The following PRKCD variants were observed in gnomAD, a reference collection of about 807,000 sequenced individuals.
The protein encoded by PRKCD is protein kinase C delta.
In PRKCD, 20 loss-of-function variants were observed where a neutral mutation model predicts 82.2. The ratio of observed to expected loss-of-function variants is 0.24; its 90% CI spans 0.17 to 0.35. The LOEUF is 0.35. PRKCD is among the 10% of genes least tolerant of loss of function. The pLI, the probability that PRKCD is intolerant of heterozygous loss-of-function variation, is 1.00. For synonymous variants in PRKCD, 317 were observed against 337.0 expected (o/e 0.94, Z 0.65); for missense variants, 607 against 899.0 (o/e 0.68, Z 4.15).
At chr3:53,182,483 G>A (rs1703483557) in intron 7 of PRKCD, among the ~76,000 whole-genome samples, 3 of 152,072 alleles carry the variant, frequency 2.0e-5, no homozygotes, top group Admixed American at 1.3e-4. Flanking sequence ...TGGCCAGGCT[G>A]GTCTCAAACT....
chr3:53,179,128 A>G (rs1553666593), intron 3 of PRKCD, among the ~76,000 whole-genome samples: 1 of 152,228 alleles, frequency 6.6e-6, no homozygotes, highest in Admixed American at 6.5e-5. Flanking sequence ...TAGCACTACC[A>G]GCCTTGCCCT....
At chr3:53,173,807 G>C (rs767084742) in intron 2 of PRKCD, among the ~76,000 whole-genome samples, 5 of 152,102 alleles carry the variant, frequency 3.3e-5, no homozygotes, top group Non-Finnish European at 7.4e-5. Context: ...AATGGAGGCT[G>C]GTCCAAGTGG....
intron 2 of PRKCD, among the ~76,000 whole-genome samples, chr3:53,168,993 G>A (rs545905981): frequency 1.3e-5 from 2 of 152,182 alleles, no homozygotes; most frequent in South Asian, 4.2e-4. Context: ...CTGTCGGGCC[G>A]GGGTAGAGGA....
intron 2 of PRKCD, 32 bp from the exon 3 acceptor site, chr3:53,178,372 G>A (rs781839167): frequency 4.0e-5 from 61 of 1,510,540 alleles, no homozygotes; most frequent in Non-Finnish European, 5.0e-5. Flanking sequence ...GGTCCCGCCC[G>A]GCCGCCTGGC....
At chr3:53,191,883 T>C (rs1174957821) in intron 18 of PRKCD, among the ~76,000 whole-genome samples, 1 of 152,192 alleles carries the variant, frequency 6.6e-6, no homozygotes, top group African/African-American at 2.4e-5. Flanking sequence ...GGCTACCACC[T>C]CTCCTAACCC....
In PRKCD at chr3:53,181,249, T is replaced by C. The variant is rs1553667396; in HGVS notation, c.358T>C (p.Tyr120His). The C allele has an allele frequency of 6.2e-7, 1 of 1,613,938 alleles. No homozygotes were observed. Among genetic ancestry groups the C allele is most frequent in the Admixed American group, 1.7e-5 (1 of 59,988 alleles). The change falls in exon 5 of 19, where the codon TAT becomes CAT. Residue 120 changes from tyrosine to histidine, a missense_variant. Physicochemically the swap from Tyr to His is moderately conservative, Grantham distance 83 (BLOSUM62 2). Around this residue, in one of 5 missense-constraint regions of PRKCD, gnomAD observed 161 missense variants for 227.0 expected, o/e 0.71. Coordinates refer to ENST00000330452, the MANE Select transcript of PRKCD (RefSeq NM_006254.4). The stretch of plus-strand genomic sequence containing the variant: ...GGCCAAGGTGTTGATGTCTGTTCAG[T>C]ATTTCCTGGAGGACGTGGGTAAGAA... ...PQAKVLMSVQ[Y>H]FLEDVDCKQS...
At position 53,179,630 on chromosome 3, in the gene PRKCD, T is replaced by G. The variant is rs2107256698; in HGVS notation, c.169T>G (p.Ser57Ala). ...GCCGACCATGTATCCTGAGTGGAAG[T>G]CGACGTTCGATGCCCACATCTATGA... ...KKPTMYPEWK[S>A]TFDAHIYEGR... The change falls in exon 4 of 19, where the codon TCG becomes GCG. Residue 57 changes from serine to alanine, a missense_variant. Physicochemically the swap from Ser to Ala is moderately conservative, Grantham distance 99. This residue lies in a region of PRKCD where 161 missense variants were observed against 227.0 expected (regional missense o/e 0.71). Coordinates refer to ENST00000330452, the MANE Select transcript of PRKCD (RefSeq NM_006254.4). 1.2e-6 allele frequency: 2 copies of G among 1,614,088 alleles called. No homozygotes were observed. The highest frequency in any genetic ancestry group is 1.1e-5 in the South Asian group (1 of 91,068).
intron 2 of PRKCD, among the ~76,000 whole-genome samples, chr3:53,171,801 G>A (rs1703039476): frequency 6.6e-6 from 1 of 152,218 alleles, no homozygotes; most frequent in South Asian, 2.1e-4. Flanking sequence ...CCAGAACAGG[G>A]ATTGAGGTAG....
chr3:53,186,745 T>C (rs782803250), intron 14 of PRKCD, 50 bp downstream of exon 14: 2 of 1,487,526 alleles, frequency 1.3e-6, no homozygotes, highest in East Asian at 4.5e-5. Flanking sequence ...GAAGGGCTAC[T>C]GGCTCAGAGC....
chr3:53,173,742 A>C (rs1203815186), intron 2 of PRKCD: 3 of 152,090 alleles, frequency 2.0e-5, no homozygotes, highest in Non-Finnish European at 4.4e-5. Context: ...AGCCTCCCAA[A>C]GTATTGAGAT....
chr3:53,163,041 G>A (rs928665910), intron 1 of PRKCD, among the ~76,000 whole-genome samples: 1 of 151,424 alleles, frequency 6.6e-6, no homozygotes, highest in Non-Finnish European at 1.5e-5. Flanking sequence ...CAGGCCAGCA[G>A]AGGGAGGCTG....
intron 11 of PRKCD, 97 bp from the exon 12 acceptor site, chr3:53,185,830 T>TCTGGG (rs1172186841): frequency 1.3e-6 from 2 of 1,526,084 alleles, no homozygotes; most frequent in African/African-American, 2.7e-5. Flanking sequence ...AGCCCCTTCC[T>TCTGGG]CTCTGAGGCC....
At chr3:53,162,137 C>A (rs898616904) in intron 1 of PRKCD, among the ~76,000 whole-genome samples, 4 of 151,980 alleles carry the variant, frequency 2.6e-5, no homozygotes, top group Non-Finnish European at 4.4e-5. Flanking sequence ...TCTCCACCAT[C>A]CCCCTTCCCA....
At chr3:53,189,774 GC>G in intron 17 of PRKCD, 98 bp from the exon 18 acceptor site, 1 of 1,551,606 alleles carries the variant, frequency 6.4e-7, no homozygotes. Flanking sequence ...TGGGGCTGGG[GC>G]AAGCCTGGCT....
intron 7 of PRKCD, among the ~76,000 whole-genome samples, chr3:53,182,684 A>G (rs1343897420): frequency 2.0e-5 from 3 of 152,244 alleles, no homozygotes; most frequent in Non-Finnish European, 4.4e-5. Context: ...CGCTCTGTGT[A>G]AGAAGTCTGT....
At chr3:53,185,366 T>C (rs1394367052) in intron 10 of PRKCD, among the ~76,000 whole-genome samples, 1 of 152,190 alleles carries the variant, frequency 6.6e-6, no homozygotes, top group Non-Finnish European at 1.5e-5. Context: ...GTTGGGAAGG[T>C]AGGGTTCCGT....
intron 9 of PRKCD, 94 bp downstream of exon 9, chr3:53,183,675 C>T (rs1446221231): frequency 2.0e-6 from 3 of 1,511,388 alleles, no homozygotes; most frequent in African/African-American, 2.7e-5. Flanking sequence ...CGCCTCCTCA[C>T]CTGGAGACGG....
chr3:53,161,359 C>CGCGCGCGCCGGGGAGCG lies in PRKCD; in HGVS notation c.-196_-180dup, dbSNP rs1226236610. 1 of 150,378 alleles carries CGCGCGCGCCGGGGAGCG rather than the reference C, an allele frequency of 6.6e-6. No individual in the cohort carries two copies. Among genetic ancestry groups the CGCGCGCGCCGGGGAGCG allele is most frequent in the Non-Finnish European group, 1.5e-5 (1 of 67,470 alleles). The allele number at this position is 150,378 out of a possible 1,614,324, so 9.3% of individuals were successfully genotyped here. On this transcript the variant is annotated 5_prime_UTR_variant, in exon 1 of 19. Transcript: ENST00000330452. ...AGTCAGCGCCGCGCCGAACCCCGTC[C>CGCGCGCGCCGGGGAGCG]GCGCGCGCCGGGGAGCGGCGCCCCC... is the stretch of plus-strand genomic sequence containing the variant.
rs782124352 is a variant in PRKCD, at chr3:53,192,228, T to A, written c.1993T>A (p.Phe665Ile). The change falls in exon 19 of 19, where the codon TTT becomes ATT. Residue 665 changes from phenylalanine (F) to isoleucine (I), a missense_variant. By Grantham distance (21) the Phe-to-Ile change is conservative. Transcript: ENST00000330452. ...MDQSAFAGFSFVNPKFEHLLE... is the reference protein window; with the variant it reads ...MDQSAFAGFSIVNPKFEHLLE... Reference sequence around the variant, plus strand: ...CCAGTCTGCATTCGCTGGCTTCTCCTTTGTGAACCCCAAATTCGAGCACCT... The same window carrying A: ...CCAGTCTGCATTCGCTGGCTTCTCCATTGTGAACCCCAAATTCGAGCACCT... The A allele has an allele frequency of 6.2e-7, 1 of 1,614,142 alleles. No homozygotes were observed. The highest frequency in any genetic ancestry group is 8.5e-7 in the Non-Finnish European group (1 of 1,180,024).
Sources: gnomAD v4.1 joint callset for allele counts (sites outside exome capture counted in the v4.1 genomes callset) on GRCh38, gnomAD v4.1.1 for gene constraint, gnomAD v4.1.1 regional missense constraint, MANE v1.5 for transcripts, NCBI Gene and HGNC (gene_info 2026-07-23, HGNC 2026-07-21) for gene names.